The following LYZL2 variants were observed in gnomAD, a reference collection of about 807,000 sequenced individuals.
LYZL2 encodes the protein lysozyme like 2.
LYZL2 carries 13 observed loss-of-function variants against 17.1 expected under a neutral mutation model. The observed-to-expected ratio is 0.76, with a 90% CI of 0.49 to 1.21. LYZL2 has a LOEUF of 1.21. Ranked by LOEUF, LYZL2 falls within the 50% of genes most tolerant of loss-of-function variation. The probability of loss-of-function intolerance (pLI) is 0.00; values close to 1 mark genes in which losing one functional copy is unlikely to be tolerated. For missense variants in LYZL2, 166 were observed against 189.2 expected (o/e 0.88, Z 0.72); for synonymous variants, 63 against 74.4 (o/e 0.85, Z 0.79).
At chr10:30,611,558 G>GAAAGAAA (rs1564405791), downstream of LYZL2, among the ~76,000 whole-genome samples, 16 of 75,292 alleles carry the variant, frequency 2.1e-4, no homozygotes, top group South Asian at 6.1e-4. Flanking sequence ...AAGGAAGGAA[G>GAAAGAAA]GAAGGAAGGA....
intron 3 of LYZL2, among the ~76,000 whole-genome samples, chr10:30,613,992 G>A (rs1177450034): frequency 2.0e-5 from 3 of 152,162 alleles, no homozygotes; most frequent in Non-Finnish European, 2.9e-5. Context: ...TTACAGACAT[G>A]AGCCACCATG....
At chr10:30,624,735 A>G (rs986943009) in intron 3 of LYZL2, among the ~76,000 whole-genome samples, 2 of 152,164 alleles carry the variant, frequency 1.3e-5, no homozygotes, top group Admixed American at 1.3e-4. Context: ...GGGTCTCACT[A>G]TGGGGTCTCG....
chr10:30,627,517 A>G (rs1270269584), intron 1 of LYZL2, among the ~76,000 whole-genome samples: 1 of 152,094 alleles, frequency 6.6e-6, no homozygotes, highest in Non-Finnish European at 1.5e-5. Flanking sequence ...TTTACTATTA[A>G]CAAATAGTTA....
At chr10:30,625,920 G>A (rs1838694323) in intron 3 of LYZL2, among the ~76,000 whole-genome samples, 185 bp downstream of exon 3, 1 of 152,206 alleles carries the variant, frequency 6.6e-6, no homozygotes, top group Non-Finnish European at 1.5e-5. Context: ...GTCATCTTTG[G>A]ACAAGTCAGC....
chr10:30,606,351 C>CT, the LYZL2 span, among the ~76,000 whole-genome samples: 84,502 of 131,848 alleles, frequency 0.64, 27,673 homozygotes, highest in Middle Eastern at 0.7. Flanking sequence ...ATAATAATTA[C>CT]TTTTTTTTTT....
chr10:30,626,743 G>A (rs771716162), intron 2 of LYZL2, 34 bp downstream of exon 2: 12 of 1,613,324 alleles, frequency 7.4e-6, no homozygotes, highest in African/African-American at 1.3e-5. Flanking sequence ...GAAAGGTCAA[G>A]GACAGAAAGA....
chr10:30,611,570 GGAAA>G (rs71023593), downstream of LYZL2, among the ~76,000 whole-genome samples: 977 of 53,962 alleles, frequency 0.018, 24 homozygotes, highest in Admixed American at 0.036. Flanking sequence ...AAGGAAGGAA[GGAAA>G]GAAAGAAAGA....
intron 3 of LYZL2, 27 bp from the exon 4 acceptor site, chr10:30,612,927 A>T: frequency 6.3e-7 from 1 of 1,591,320 alleles, no homozygotes; most frequent in African/African-American, 1.3e-5. Flanking sequence ...CATCAGGGTT[A>T]GGCGAGACTT....
downstream of LYZL2, among the ~76,000 whole-genome samples, chr10:30,608,804 T>C (rs1050890783): frequency 6.6e-6 from 1 of 152,242 alleles, no homozygotes; most frequent in African/African-American, 2.4e-5. Flanking sequence ...ATTCCACATG[T>C]GTCCAGTGGC....
chr10:30,620,942 C>G (rs978975241), intron 3 of LYZL2, among the ~76,000 whole-genome samples: 4 of 151,258 alleles, frequency 2.6e-5, no homozygotes, highest in Admixed American at 1.3e-4. Flanking sequence ...GGGAAAAATA[C>G]TAAAAAACGA....
chr10:30,621,071 G>A (rs1376676586), intron 3 of LYZL2, among the ~76,000 whole-genome samples: 5 of 152,042 alleles, frequency 3.3e-5, no homozygotes, highest in African/African-American at 9.7e-5. Context: ...CAAATTTAAT[G>A]AAAATTATAA....
chr10:30,628,342 C>T (rs112596295), intron 1 of LYZL2, among the ~76,000 whole-genome samples: 102 of 152,292 alleles, frequency 6.7e-4, no homozygotes, highest in Non-Finnish European at 1.1e-3. Flanking sequence ...TCCGGGCGGC[C>T]TCCTAAAAGT....
In LYZL2 at chr10:30,623,847, C is replaced by T. The variant is rs200067182; in HGVS notation, c.298+2258G>A. 3.7e-4 allele frequency among the ~76,000 whole-genome samples: 56 copies of T among 152,298 alleles called. 1 individual carries two copies. In the East Asian group the frequency reaches 6.0e-3, roughly 16 times the overall value. ...AAACCATCCTCCTCCCCCTCGTCCACGGAAAATTTGTCTTCCACAGACTGT... is the reference window on the plus strand; with the variant it reads ...AAACCATCCTCCTCCCCCTCGTCCATGGAAAATTTGTCTTCCACAGACTGT... On this transcript the variant is annotated intron_variant, in intron 3 of 4. Coordinates refer to ENST00000647634, the MANE Select transcript of LYZL2 (RefSeq NM_183058.3).
At position 30,621,184 on chromosome 10, in the gene LYZL2, C is replaced by T. The variant is rs539931490; in HGVS notation, c.298+4921G>A. 3.9e-5 allele frequency among the ~76,000 whole-genome samples: 6 copies of T among 152,092 alleles called. No homozygotes were observed. The East Asian group carries it at 1.2e-3, about 29-fold the overall frequency. ...AGTGACAAAGAGAAAATCTTAAAAA[C>T]AACTAGAGAAAAAAAACACATATTA... On this transcript the variant is annotated intron_variant, in intron 3 of 4. Transcript: ENST00000647634.
At chr10:30,626,697 G>A (rs1838712670) in intron 2 of LYZL2, 80 bp downstream of exon 2, 22 of 1,582,526 alleles carry the variant, frequency 1.4e-5, no homozygotes, top group Non-Finnish European at 1.9e-5. Context: ...GGGAGACACA[G>A]CAGGGAGTGT....
intron 4 of LYZL2, among the ~76,000 whole-genome samples, chr10:30,612,458 G>A (rs888037030): frequency 1.3e-5 from 2 of 152,188 alleles, no homozygotes; most frequent in Admixed American, 6.5e-5. Flanking sequence ...AAATGTTGCC[G>A]TAACCTTCAA....
In LYZL2 at chr10:30,628,515, TCTCCTCCC is replaced by T. The variant is rs573016001; in HGVS notation, c.-26+1070_-26+1077del. The stretch of plus-strand genomic sequence containing the variant: ...CCTGCTGCCTACTGATTTTCCACAA[TCTCCTCCC>T]CTCTTAAAATAATGTCTTCCCCAAA... On this transcript the variant is annotated intron_variant, in intron 1 of 4. Transcript: ENST00000647634. Among the ~76,000 whole-genome samples, 11 of 152,186 alleles carry T rather than the reference TCTCCTCCC, an allele frequency of 7.2e-5. No homozygotes were observed. The South Asian group carries it at 2.3e-3, about 32-fold the overall frequency.
intron 3 of LYZL2, among the ~76,000 whole-genome samples, chr10:30,617,710 GA>G (rs1378750745): frequency 1.8e-5 from 2 of 112,394 alleles, no homozygotes; most frequent in African/African-American, 3.1e-5. Flanking sequence ...AAAAGAAAAA[GA>G]AAAAAAAGAA....
chr10:30,627,003 G>C (rs569028678), intron 1 of LYZL2, 63 bp from the exon 2 acceptor site: 13 of 1,597,496 alleles, frequency 8.1e-6, no homozygotes, highest in Non-Finnish European at 1.1e-5. Context: ...ATCCAGCATC[G>C]GTGACTGTGC....
Sources: allele counts gnomAD v4.1 joint callset (sites outside exome capture counted in the v4.1 genomes callset), GRCh38; gene constraint gnomAD v4.1.1; transcripts MANE v1.5; gene names NCBI Gene and HGNC (gene_info 2026-07-23, HGNC 2026-07-21).